Variants in FMO3 observed in about 807,000 individuals in gnomAD.
FMO3 encodes flavin containing dimethylaniline monoxygenase 3.
FMO3 carries 40 observed loss-of-function variants against 39.4 expected under a neutral mutation model. The ratio of observed to expected loss-of-function variants is 1.02; its 90% CI spans 0.79 to 1.32. The LOEUF is 1.32. Among genes scored for constraint, FMO3 ranks in the 40% most tolerant of loss-of-function variants. FMO3 has a pLI of 0.00. For synonymous variants in FMO3, 219 were observed against 228.8 expected, an observed-to-expected ratio of 0.96 and a Z score of 0.39; for missense variants, 680 against 651.8, an observed-to-expected ratio of 1.04 and a Z score of -0.47.
chr1:171,103,712 T>C lies in FMO3; in HGVS notation c.133-73T>C, dbSNP rs112375064. On this transcript the variant is annotated intron_variant, in intron 2 of 8. Transcript: ENST00000367755. ...GATACCAAGGGATGACTGTAATTAC[T>C]TGGAACCAGCCCTGACCATGATCAG... The C allele has an allele frequency of 2.8e-5, 37 of 1,306,672 alleles. 1 individual carries two copies. The highest frequency in any genetic ancestry group is 2.8e-4 in the African/African-American group (19 of 69,032). The allele number at this position is 1,306,672 out of a possible 1,614,324, so 80.9% of individuals were successfully genotyped here.
chr1:171,100,906 T>G (rs1655350255), intron 2 of FMO3: 1 of 281,066 alleles, frequency 3.6e-6, no homozygotes. Flanking sequence ...AATCTTAAGA[T>G]GGAGAGATTT....
intron 8 of FMO3, 130 bp from the exon 9 acceptor site, chr1:171,116,970 G>A: frequency 1.4e-6 from 1 of 735,276 alleles, no homozygotes; most frequent in South Asian, 1.5e-5. Flanking sequence ...GGGTAGTGTG[G>A]GAAATTTTTT....
intron 2 of FMO3, among the ~76,000 whole-genome samples, chr1:171,096,025 A>AATATACATATATATT (rs1654981506): frequency 1.9e-3 from 89 of 45,964 alleles, no homozygotes; most frequent in South Asian, 6.7e-3. Flanking sequence ...ATTATATATT[A>AATATACATATATATT]ATATATAATA....
intron 2 of FMO3, among the ~76,000 whole-genome samples, chr1:171,096,856 T>C (rs1448076318): frequency 1.3e-5 from 2 of 150,532 alleles, no homozygotes; most frequent in African/African-American, 4.9e-5. Flanking sequence ...TTGTTACATA[T>C]GTATACATGT....
At position 171,092,639 on chromosome 1, in the gene FMO3, G is replaced by C; in HGVS notation, c.-6-14G>C. 6.2e-7 allele frequency: 1 copy of C among 1,613,942 alleles called. No individual in the cohort carries two copies. Among genetic ancestry groups the C allele is most frequent in the Non-Finnish European group, 8.5e-7 (1 of 1,179,840 alleles). On this transcript the variant is annotated splice_polypyrimidine_tract_variant and intron_variant, in intron 1 of 8. Transcript: ENST00000367755. ...AATGTTGTTACTGGAAATGTTCTCT[G>C]GGCCTTTGCACAGGTTACCATGGGG...
At chr1:171,110,560 G>A (rs1340190581) in intron 5 of FMO3, among the ~76,000 whole-genome samples, 2 of 152,088 alleles carry the variant, frequency 1.3e-5, no homozygotes, top group Admixed American at 6.6e-5. Flanking sequence ...GCCTTTATAC[G>A]CCCGCATTGA....
chr1:171,115,790 A>G (rs769925666), intron 7 of FMO3, among the ~76,000 whole-genome samples: 3 of 152,164 alleles, frequency 2.0e-5, no homozygotes, highest in Non-Finnish European at 4.4e-5. Flanking sequence ...TTCCCATAGA[A>G]AAACTTAGCC....
At chr1:171,110,154 A>G (rs1454039163) in intron 5 of FMO3, among the ~76,000 whole-genome samples, 1 of 152,186 alleles carries the variant, frequency 6.6e-6, no homozygotes, top group Non-Finnish European at 1.5e-5. Flanking sequence ...TTCAAATCAC[A>G]TCATTAATAA....
chr1:171,106,797 G>T (rs1655657631), intron 3 of FMO3, among the ~76,000 whole-genome samples: 1 of 152,058 alleles, frequency 6.6e-6, no homozygotes, highest in Admixed American at 6.6e-5. Context: ...ATATAAAAAT[G>T]AATTGCATTT....
Position 171,117,685 on chromosome 1 carries a change from C to A in FMO3, c.*243C>A. The A allele has an allele frequency of 2.4e-6, 1 of 413,270 alleles. No individual in the cohort carries two copies. Among genetic ancestry groups the A allele is most frequent in the Non-Finnish European group, 4.3e-6 (1 of 232,346 alleles). 25.6% of individuals were successfully genotyped at this position (413,270 alleles called of 1,614,324 possible). A position where few individuals can be genotyped will look rare whatever the true frequency, so the allele number is the denominator to read the frequency against. On this transcript the variant is annotated 3_prime_UTR_variant, in exon 9 of 9. Coordinates refer to ENST00000367755, the MANE Select transcript of FMO3 (RefSeq NM_001002294.3). Reference sequence around the variant, plus strand: ...TTGAGTTCCACTAACACTTCAAAATCAGAACTATGTTCTTTATATCTAACT... The same window carrying A: ...TTGAGTTCCACTAACACTTCAAAATAAGAACTATGTTCTTTATATCTAACT...
chr1:171,112,514 T>C (rs2101919529), intron 6 of FMO3, among the ~76,000 whole-genome samples: 1 of 152,274 alleles, frequency 6.6e-6, no homozygotes, highest in African/African-American at 2.4e-5. Context: ...TAGGATTTTC[T>C]GTGGACTGGA....
intron 3 of FMO3, 88 bp downstream of exon 3, chr1:171,104,061 C>T (rs530795047): frequency 9.9e-7 from 1 of 1,006,174 alleles, no homozygotes; most frequent in East Asian, 2.5e-5. Flanking sequence ...CTTTCAGTTT[C>T]CCTTTCTAAT....
chr1:171,096,697 A>ATTT (rs1655096700), intron 2 of FMO3, among the ~76,000 whole-genome samples: 1 of 138,470 alleles, frequency 7.2e-6, no homozygotes, highest in African/African-American at 2.6e-5. Flanking sequence ...TAATTAATAT[A>ATTT]ATTATATAAA....
chr1:171,100,926 A>T (rs1249631553), intron 2 of FMO3: 2 of 287,086 alleles, frequency 7.0e-6, no homozygotes, highest in Non-Finnish European at 1.4e-5. Flanking sequence ...TTTCTGCATT[A>T]TGTGGGTGAG....
intron 6 of FMO3, among the ~76,000 whole-genome samples, chr1:171,112,241 G>A (rs1358141262): frequency 2.0e-5 from 3 of 152,186 alleles, no homozygotes; most frequent in Non-Finnish European, 4.4e-5. Context: ...TAAGGACTCT[G>A]GCTTTTACTC....
At chr1:171,095,939 ATATATTTATG>A in intron 2 of FMO3, among the ~76,000 whole-genome samples, 1 of 87,950 alleles carries the variant, frequency 1.1e-5, no homozygotes, top group East Asian at 3.0e-4. Flanking sequence ...TATATATAAT[ATATATTTATG>A]TATTATAATT....
rs114391065 is a variant in FMO3, at chr1:171,095,245, T to G, written c.132+2455T>G. 3.6e-3 allele frequency among the ~76,000 whole-genome samples: 546 copies of G among 152,316 alleles called. 3 individuals are homozygous for G. Among genetic ancestry groups the G allele is most frequent in the African/African-American group, 0.012 (510 of 41,564 alleles). On this transcript the variant is annotated intron_variant, in intron 2 of 8. Transcript: ENST00000367755. The stretch of plus-strand genomic sequence containing the variant: ...CCATGGATTTTAAAGTTTCAGGTGC[T>G]GACTTTGGTCTTGTGAAACTACAAA...
intron 3 of FMO3, among the ~76,000 whole-genome samples, chr1:171,105,797 G>A (rs1444214949): frequency 6.6e-6 from 1 of 151,916 alleles, no homozygotes; most frequent in Non-Finnish European, 1.5e-5. Flanking sequence ...ATTAACTGAA[G>A]TTTAACACCT....
At chr1:171,115,329 A>G (rs1214455320) in intron 7 of FMO3, among the ~76,000 whole-genome samples, 1 of 152,164 alleles carries the variant, frequency 6.6e-6, no homozygotes, top group Non-Finnish European at 1.5e-5. Context: ...GTACCAAGAC[A>G]AGAGGGGCTA....
Sources: allele counts gnomAD v4.1 joint callset (sites outside exome capture counted in the v4.1 genomes callset), GRCh38; gene constraint gnomAD v4.1.1; transcripts MANE v1.5; gene names NCBI Gene and HGNC (gene_info 2026-07-23, HGNC 2026-07-21).